The following IMMP2L variants were observed in gnomAD, a reference collection of about 807,000 sequenced individuals.
IMMP2L encodes the protein inner mitochondrial membrane peptidase subunit 2.
A neutral mutation model predicts 19.3 loss-of-function variants in IMMP2L; 18 were observed. The observed-to-expected ratio is 0.93, with a 90% CI of 0.64 to 1.38. The LOEUF is 1.38. IMMP2L is among the 40% of genes most tolerant of loss of function. IMMP2L has a pLI of 0.00. For missense variants in IMMP2L, 233 were observed against 218.2 expected (o/e 1.07, Z -0.43); for synonymous variants, 76 against 73.0 (o/e 1.04, Z -0.21).
chr7:111,469,930 A>G (rs1225651286), intron 3 of IMMP2L, among the ~76,000 whole-genome samples: 2 of 152,186 alleles, frequency 1.3e-5, no homozygotes, highest in African/African-American at 4.8e-5. Flanking sequence ...CATCAGAGTC[A>G]ACAGGCAACC....
At chr7:111,170,662 T>C (rs1321182350) in intron 3 of IMMP2L, among the ~76,000 whole-genome samples, 1 of 151,870 alleles carries the variant, frequency 6.6e-6, no homozygotes, top group Non-Finnish European at 1.5e-5. Flanking sequence ...TAATGAGGTC[T>C]GAGGGTTCCT....
At chr7:111,014,359 G>GA (rs1006314286) in intron 3 of IMMP2L, among the ~76,000 whole-genome samples, 1 of 149,340 alleles carries the variant, frequency 6.7e-6, no homozygotes, top group Non-Finnish European at 1.5e-5. Flanking sequence ...TGTGTCAAAA[G>GA]AAAAAAAAAT....
At chr7:111,030,884 GTATATATATATATATA>G (rs57774530) in intron 3 of IMMP2L, among the ~76,000 whole-genome samples, 1,914 of 127,096 alleles carry the variant, frequency 0.015, 38 homozygotes, top group East Asian at 0.045. Flanking sequence ...GTGTGTGTGT[GTATATATATATATATA>G]TATATATATA....
intron 3 of IMMP2L, among the ~76,000 whole-genome samples, chr7:110,976,353 T>G (rs2129557326): frequency 6.6e-6 from 1 of 152,184 alleles, no homozygotes; most frequent in African/African-American, 2.4e-5. Flanking sequence ...ATATTTGTCC[T>G]TTTGTGCCTG....
At chr7:110,883,837 G>T (rs1172986334) in intron 5 of IMMP2L, among the ~76,000 whole-genome samples, 1 of 151,936 alleles carries the variant, frequency 6.6e-6, no homozygotes, top group Non-Finnish European at 1.5e-5. Context: ...TATCTCAGTT[G>T]CTCTCAATTT....
intron 3 of IMMP2L, among the ~76,000 whole-genome samples, chr7:111,199,541 A>T (rs985579696): frequency 1.3e-5 from 2 of 152,162 alleles, no homozygotes; most frequent in African/African-American, 4.8e-5. Flanking sequence ...GGTAATCACT[A>T]AAGTTATTCT....
At chr7:111,261,779 A>C (rs1817333713) in intron 3 of IMMP2L, among the ~76,000 whole-genome samples, 1 of 152,162 alleles carries the variant, frequency 6.6e-6, no homozygotes, top group Non-Finnish European at 1.5e-5. Flanking sequence ...AACAAAATGC[A>C]TTAAGACCTT....
At chr7:110,935,482 T>C (rs969958760) in intron 4 of IMMP2L, among the ~76,000 whole-genome samples, 2 of 152,260 alleles carry the variant, frequency 1.3e-5, no homozygotes, top group East Asian at 1.9e-4. Context: ...GTCTTGGAGT[T>C]GCTCTTCTCG....
At chr7:111,484,050 A>G (rs1425072271) in intron 3 of IMMP2L, among the ~76,000 whole-genome samples, 1 of 152,202 alleles carries the variant, frequency 6.6e-6, no homozygotes, top group East Asian at 1.9e-4. Context: ...TACAAAGCTT[A>G]CAAGCTTTTC....
intron 5 of IMMP2L, among the ~76,000 whole-genome samples, chr7:110,713,096 G>T (rs545947998): frequency 2.6e-5 from 4 of 152,276 alleles, no homozygotes; most frequent in African/African-American, 9.6e-5. Flanking sequence ...TATGGTGAAA[G>T]GTAAGGGTTC....
Position 110,727,837 on chromosome 7 carries a change from GT to G in IMMP2L, c.409-64117del. Among the ~76,000 whole-genome samples the G allele has an allele frequency of 6.6e-6, 1 of 152,296 alleles. No individual in the cohort carries two copies. Among genetic ancestry groups the G allele is most frequent in the South Asian group, 2.1e-4 (1 of 4,824 alleles). On this transcript the variant is annotated intron_variant, in intron 5 of 5. Transcript: ENST00000405709. The surrounding 1 kb of genome is among the most constrained non-coding windows in gnomAD (Gnocchi z 4.3). Reference sequence around the variant, plus strand: ...CGTAAGAAAAGAATTGCTTCACCGAGTGGATTTAAACAGATATGAGGTAAAT... The same window carrying G: ...CGTAAGAAAAGAATTGCTTCACCGAGGGATTTAAACAGATATGAGGTAAAT...
intron 3 of IMMP2L, among the ~76,000 whole-genome samples, chr7:111,241,786 T>A (rs1380860150): frequency 2.0e-5 from 3 of 151,826 alleles, no homozygotes. Flanking sequence ...AGATTTTCTC[T>A]GTCTCTGGAT....
rs561889613 is a variant in IMMP2L, at chr7:111,108,662, A to G, written c.240-145097T>C. Among the ~76,000 whole-genome samples the G allele has an allele frequency of 1.7e-4, 26 of 152,230 alleles. No homozygotes were observed. In the South Asian group the frequency reaches 5.4e-3, roughly 32 times the overall value. ...TTAATTATACCCTTCTAAAGTGGGTATTGTTACACTTTTGTAATCTCCTGA... is the reference window on the plus strand; with the variant it reads ...TTAATTATACCCTTCTAAAGTGGGTGTTGTTACACTTTTGTAATCTCCTGA... On this transcript the variant is annotated intron_variant, in intron 3 of 5. Coordinates refer to ENST00000405709, the MANE Select transcript of IMMP2L (RefSeq NM_032549.4).
chr7:111,236,475 C>G (rs1814327002), intron 3 of IMMP2L, among the ~76,000 whole-genome samples: 1 of 152,142 alleles, frequency 6.6e-6, no homozygotes, highest in African/African-American at 2.4e-5. Flanking sequence ...GTTTTCCACT[C>G]TGGCTGATAT....
intron 3 of IMMP2L, among the ~76,000 whole-genome samples, chr7:111,383,455 C>T (rs898692115): frequency 6.6e-6 from 1 of 152,062 alleles, no homozygotes; most frequent in Non-Finnish European, 1.5e-5. Context: ...TCAGTGTCTC[C>T]ACCTACAATT....
intron 5 of IMMP2L, among the ~76,000 whole-genome samples, chr7:110,723,597 GA>G (rs1562938272): frequency 6.6e-6 from 1 of 151,904 alleles, no homozygotes; most frequent in Non-Finnish European, 1.5e-5. Flanking sequence ...TTGATTGATG[GA>G]AAAAAGACAC....
At chr7:111,316,507 C>A (rs1824096684) in intron 3 of IMMP2L, among the ~76,000 whole-genome samples, 1 of 152,026 alleles carries the variant, frequency 6.6e-6, no homozygotes, top group Non-Finnish European at 1.5e-5. Flanking sequence ...ATAAATTAAT[C>A]CAGGTTCTTA....
intron 3 of IMMP2L, among the ~76,000 whole-genome samples, chr7:111,365,125 C>T (rs948050716): frequency 6.6e-6 from 1 of 152,032 alleles, no homozygotes; most frequent in African/African-American, 2.4e-5. Flanking sequence ...AAGGTCTTAA[C>T]CTTTCTGCTG....
At position 111,418,148 on chromosome 7, in the gene IMMP2L, C is replaced by A. The variant is rs1835125099; in HGVS notation, c.239+69090G>T. Among the ~76,000 whole-genome samples the A allele has an allele frequency of 4.0e-5, 6 of 151,760 alleles. No individual in the cohort carries two copies. The South Asian group carries it at 1.2e-3, about 31-fold the overall frequency. ...TTTCCAAATATTATTATGATAATGT[C>A]ACTGACCATCTTTTACGAAATTGTA... On this transcript the variant is annotated intron_variant, in intron 3 of 5. Coordinates refer to ENST00000405709, the MANE Select transcript of IMMP2L (RefSeq NM_032549.4).
Sources: gnomAD v4.1 joint callset for allele counts (sites outside exome capture counted in the v4.1 genomes callset) on GRCh38, gnomAD v4.1.1 for gene constraint, Gnocchi (gnomAD v3.1) non-coding constraint, MANE v1.5 for transcripts, NCBI Gene and HGNC (gene_info 2026-07-23, HGNC 2026-07-21) for gene names.